The following TMEM255A variants were observed in gnomAD, a reference collection of about 807,000 sequenced individuals.
TMEM255A encodes transmembrane protein 255A.
TMEM255A carries 14 observed loss-of-function variants against 23.5 expected under a neutral mutation model. The ratio of observed to expected loss-of-function variants is 0.60; its 90% CI spans 0.39 to 0.93. The LOEUF is 0.93. Among genes scored for constraint, TMEM255A ranks in the 40% least tolerant of loss-of-function variants. The pLI, the probability that TMEM255A is intolerant of heterozygous loss-of-function variation, is 0.00. For missense variants in TMEM255A, 233 were observed against 261.7 expected (o/e 0.89, Z 0.76); for synonymous variants, 104 against 100.3 (o/e 1.04, Z -0.22).
chrX:120,291,432 G>T, intron 3 of TMEM255A, 92 bp from the exon 4 acceptor site: 2 of 731,706 alleles, frequency 2.7e-6, no homozygotes, highest in Non-Finnish European at 2.1e-6. Flanking sequence ...TCCAGCCAAA[G>T]CAGAACTCTA....
At chrX:120,285,856 G>T (rs2147198556) in intron 5 of TMEM255A, 2 of 1,201,039 alleles carry the variant, frequency 1.7e-6, no homozygotes, top group East Asian at 6.0e-5. Context: ...TTAGCAAAAA[G>T]GTTTTAAAAA....
chrX:120,254,508 A>G (rs782560072), downstream of TMEM255A: 14 of 1,210,191 alleles, frequency 1.2e-5, no homozygotes, highest in South Asian at 2.5e-4. Flanking sequence ...CTCCCAAAAT[A>G]CCAGTTTTGA....
At chrX:120,270,861 A>G (rs2057754373) in intron 7 of TMEM255A, among the ~76,000 whole-genome samples, 1 of 111,136 alleles carries the variant, frequency 9.0e-6, no homozygotes, top group South Asian at 3.8e-4. Context: ...CAAGTCACCA[A>G]CCACACTTGG....
chrX:120,271,553 G>A (rs1262935269), intron 7 of TMEM255A, among the ~76,000 whole-genome samples: 2 of 111,384 alleles, frequency 1.8e-5, no homozygotes, highest in African/African-American at 3.3e-5. Context: ...AATTAAGAAC[G>A]CAGAAACAAA....
At chrX:120,291,886 A>G (rs906762153) in intron 3 of TMEM255A, among the ~76,000 whole-genome samples, 1 of 110,395 alleles carries the variant, frequency 9.1e-6, no homozygotes, top group Admixed American at 9.7e-5. Context: ...GGGGTCCTGC[A>G]AAACTTTACA....
At chrX:120,264,528 A>T (rs1556017177) in intron 8 of TMEM255A, among the ~76,000 whole-genome samples, 1 of 111,206 alleles carries the variant, frequency 9.0e-6, no homozygotes, top group African/African-American at 3.3e-5. Flanking sequence ...CAGCTACCCA[A>T]TAAGGGTATG....
intron 8 of TMEM255A, among the ~76,000 whole-genome samples, chrX:120,266,153 C>CAAAAA: frequency 1.3e-5 from 1 of 75,322 alleles, no homozygotes; most frequent in South Asian, 6.1e-4. Flanking sequence ...GACTCTGTCT[C>CAAAAA]AAAAAAAAAA....
chrX:120,297,163 T>TA (rs1556024990), intron 2 of TMEM255A, among the ~76,000 whole-genome samples: 7 of 54,834 alleles, frequency 1.3e-4, no homozygotes, highest in African/African-American at 5.1e-4. Flanking sequence ...TTATAATATA[T>TA]ATATTATATA....
At position 120,259,617 on chromosome X, in the gene TMEM255A, C is replaced by G. The variant is rs1198453981; in HGVS notation, c.*1253G>C. On this transcript the variant is annotated 3_prime_UTR_variant, in exon 9 of 9. Transcript: ENST00000371369. Reference sequence around the variant, plus strand: ...ATCAATCTTCCTTTAAATCAATTCTCAGGTTAACATAAGATCACAATGAAG... The same window carrying G: ...ATCAATCTTCCTTTAAATCAATTCTGAGGTTAACATAAGATCACAATGAAG... The G allele has an allele frequency of 8.9e-6, 1 of 111,976 alleles. No individual in the cohort carries two copies. The highest frequency in any genetic ancestry group is 1.9e-5 in the Non-Finnish European group (1 of 53,153). The allele number at this position is 111,976 out of a possible 1,213,427, so 9.2% of individuals were successfully genotyped here. A position where few individuals can be genotyped will look rare whatever the true frequency, so the allele number is the denominator to read the frequency against.
chrX:120,254,179 A>G (rs1556014875), downstream of TMEM255A: 2 of 1,211,979 alleles, frequency 1.7e-6, no homozygotes. Context: ...CCTGTGAATC[A>G]GGCAACTTTG....
intron 7 of TMEM255A, among the ~76,000 whole-genome samples, chrX:120,272,527 T>A (rs1460120400): frequency 9.0e-6 from 1 of 110,806 alleles, no homozygotes; most frequent in Admixed American, 9.6e-5. Context: ...CATGCTGCTG[T>A]TCTGATGATA....
chrX:120,283,965 C>T (rs1268965312), intron 6 of TMEM255A, among the ~76,000 whole-genome samples: 1 of 111,600 alleles, frequency 9.0e-6, no homozygotes, highest in Non-Finnish European at 1.9e-5. Flanking sequence ...TCTGTAACTA[C>T]CTCCACCCAC....
At chrX:120,255,159 A>G (rs782457854), downstream of TMEM255A, 2 of 1,211,875 alleles carry the variant, frequency 1.7e-6, no homozygotes, top group Non-Finnish European at 2.2e-6. Flanking sequence ...TGGGGACTCA[A>G]AGCTTTATCG....
chrX:120,264,938 C>G (rs782356334), intron 8 of TMEM255A, among the ~76,000 whole-genome samples: 2 of 104,913 alleles, frequency 1.9e-5, no homozygotes, highest in South Asian at 8.8e-4. Flanking sequence ...AGTGCAATGG[C>G]GTGATCTCGG....
intron 4 of TMEM255A, among the ~76,000 whole-genome samples, chrX:120,289,141 C>T (rs1290073773): frequency 1.8e-5 from 2 of 111,974 alleles, no homozygotes; most frequent in East Asian, 5.6e-4. Context: ...AGTTGGCCAA[C>T]AGATACCATC....
intron 4 of TMEM255A, among the ~76,000 whole-genome samples, 167 bp downstream of exon 4, chrX:120,291,084 A>G (rs782611347): frequency 1.8e-5 from 2 of 111,581 alleles, no homozygotes; most frequent in African/African-American, 6.5e-5. Context: ...CCGCGTGTCC[A>G]TTGGTGTCTT....
rs1350211971 is a variant in TMEM255A, at chrX:120,277,052, A to T, written c.513-5T>A. The T allele has an allele frequency of 1.7e-6, 2 of 1,203,131 alleles. No individual in the cohort carries two copies. Among genetic ancestry groups the T allele is most frequent in the Non-Finnish European group, 1.1e-6 (1 of 891,061 alleles). ...CCACCAGTGATCTCCACCCGGCTGGACAGGGAGGAGCATGCTCCAGTCAGT... is the reference window on the plus strand; with the variant it reads ...CCACCAGTGATCTCCACCCGGCTGGTCAGGGAGGAGCATGCTCCAGTCAGT... On this transcript the variant is annotated splice_polypyrimidine_tract_variant and splice_region_variant and intron_variant, in intron 6 of 8. Transcript: ENST00000371369.
In TMEM255A at chrX:120,304,446, G is replaced by A. The variant is rs373214979; in HGVS notation, c.104C>T (p.Thr35Ile). The A allele has an allele frequency of 5.8e-6, 7 of 1,208,868 alleles. No individual in the cohort carries two copies. The African/African-American group carries it at 1.2e-4, about 21-fold the overall frequency. ...RKRNSIYVTV[T>I]LLIVSVLILT... ...AATTAACACGGACACAATAAGCAAA[G>A]TCACGGTGACATAGATGGAGTTTCG... is the stretch of plus-strand genomic sequence containing the variant. The change falls in exon 2 of 9, where the codon ACT (threonine) becomes ATT (isoleucine). Residue 35 changes from threonine to isoleucine, a missense_variant. Thr to Ile is a moderately conservative substitution (Grantham distance 89). Transcript: ENST00000371369.
chrX:120,311,446 G>A lies in TMEM255A; in HGVS notation c.-137C>T. Reference sequence around the variant, plus strand: ...GCTGAGAGACACTGCCTCTGGTTGCGAGCTGCAGCCCAAGTGCCGCCTCCC... The same window carrying A: ...GCTGAGAGACACTGCCTCTGGTTGCAAGCTGCAGCCCAAGTGCCGCCTCCC... On this transcript the variant is annotated 5_prime_UTR_variant, in exon 1 of 9. Coordinates refer to ENST00000371369, the MANE Select transcript of TMEM255A (RefSeq NM_001104544.3). 1.9e-6 allele frequency: 1 copy of A among 519,723 alleles called. No homozygotes were observed. The highest frequency in any genetic ancestry group is 3.4e-6 in the Non-Finnish European group (1 of 295,087). The allele number at this position is 519,723 out of a possible 1,213,427, so 42.8% of individuals were successfully genotyped here.
Sources: allele counts gnomAD v4.1 joint callset (sites outside exome capture counted in the v4.1 genomes callset), GRCh38; gene constraint gnomAD v4.1.1; transcripts MANE v1.5; gene names NCBI Gene and HGNC (gene_info 2026-07-23, HGNC 2026-07-21).